Variants in SAMD5 observed in about 807,000 individuals in gnomAD.
SAMD5 encodes sterile alpha motif domain containing 5.
Under a neutral mutation model 11.3 loss-of-function variants are expected in SAMD5, and 13 were observed. The observed-to-expected ratio is 1.15, with a 90% CI of 0.75 to 1.83. SAMD5 has a LOEUF of 1.83. SAMD5 is among the 40% of genes most tolerant of loss of function. The probability of loss-of-function intolerance (pLI) is 0.00; values close to 1 mark genes in which losing one functional copy is unlikely to be tolerated. For synonymous variants in SAMD5, 129 were observed against 111.3 expected, an observed-to-expected ratio of 1.16 and a Z score of -1.00; for missense variants, 255 against 239.1, an observed-to-expected ratio of 1.07 and a Z score of -0.44.
intron 1 of SAMD5, among the ~76,000 whole-genome samples, chr6:147,592,806 G>A (rs1789475048): frequency 6.6e-6 from 1 of 152,148 alleles, no homozygotes; most frequent in African/African-American, 2.4e-5. Context: ...GATCCGACAT[G>A]GAGTAGGATT....
chr6:147,548,398 T>C (rs187688207), intron 1 of SAMD5, among the ~76,000 whole-genome samples: 1 of 152,356 alleles, frequency 6.6e-6, no homozygotes, highest in African/African-American at 2.4e-5. Flanking sequence ...AAATTGTCTA[T>C]GTTACATGTC....
At chr6:147,583,394 A>G (rs1358171905) in intron 1 of SAMD5, among the ~76,000 whole-genome samples, 1 of 152,242 alleles carries the variant, frequency 6.6e-6, no homozygotes, top group Non-Finnish European at 1.5e-5. Context: ...TGAGCTTACC[A>G]CATTCTAATT....
At chr6:147,659,318 T>C (rs1790614057) in intron 1 of SAMD5, among the ~76,000 whole-genome samples, 1 of 152,128 alleles carries the variant, frequency 6.6e-6, no homozygotes, top group African/African-American at 2.4e-5. Flanking sequence ...TTTTTTTTCA[T>C]GTCCCTGGTT....
chr6:147,811,636 A>G, the SAMD5 span, among the ~76,000 whole-genome samples: 4 of 152,312 alleles, frequency 2.6e-5, no homozygotes, highest in South Asian at 8.3e-4. Context: ...CGAGAGTGCC[A>G]GAGAAGAGGG....
At chr6:147,782,649 G>C in the SAMD5 span, among the ~76,000 whole-genome samples, 2 of 152,130 alleles carry the variant, frequency 1.3e-5, no homozygotes, top group Admixed American at 1.3e-4. Context: ...TTACTTATTT[G>C]CTTACTCAGG....
the SAMD5 span, among the ~76,000 whole-genome samples, chr6:147,900,248 C>T: frequency 3.9e-4 from 60 of 152,246 alleles, no homozygotes; most frequent in African/African-American, 1.3e-3. Context: ...AGCTGTGACA[C>T]GTCGCTTCCA....
intron 1 of SAMD5, among the ~76,000 whole-genome samples, chr6:147,589,598 T>C (rs571922736): frequency 1.3e-5 from 2 of 152,178 alleles, no homozygotes; most frequent in South Asian, 2.1e-4. Context: ...GTAGTAGCAC[T>C]TCTTAGAAAG....
the SAMD5 span, among the ~76,000 whole-genome samples, chr6:147,846,451 C>G: frequency 6.6e-6 from 1 of 152,166 alleles, no homozygotes; most frequent in Admixed American, 6.5e-5. Context: ...TAGATGTTAA[C>G]AATGGGGGAA....
chr6:147,692,882 C>G (rs1791123331), intron 1 of SAMD5, among the ~76,000 whole-genome samples: 1 of 152,154 alleles, frequency 6.6e-6, no homozygotes, highest in Non-Finnish European at 1.5e-5. Flanking sequence ...CAGAAATCAA[C>G]CCAGATTAAG....
At chr6:147,666,816 A>G (rs1047692689) in intron 1 of SAMD5, among the ~76,000 whole-genome samples, 5 of 152,156 alleles carry the variant, frequency 3.3e-5, no homozygotes, top group African/African-American at 1.2e-4. Context: ...TGGGACATTT[A>G]CTGGGATGCT....
At chr6:147,729,364 A>G (rs1791676351) in intron 1 of SAMD5, among the ~76,000 whole-genome samples, 2 of 152,210 alleles carry the variant, frequency 1.3e-5, no homozygotes, top group African/African-American at 4.8e-5. Context: ...ACTACTGTCT[A>G]AGACAAGATT....
At chr6:147,895,234 A>G in the SAMD5 span, among the ~76,000 whole-genome samples, 1 of 151,618 alleles carries the variant, frequency 6.6e-6, no homozygotes, top group Admixed American at 6.6e-5. Flanking sequence ...CTTAAGACCC[A>G]TGAACATTAC....
rs1335410898 is a variant in SAMD5, at chr6:147,711,750, ATGT to A, written c.163-25565_163-25563del. Among the ~76,000 whole-genome samples the A allele has an allele frequency of 1.3e-5, 2 of 152,186 alleles. No individual in the cohort carries two copies. Among genetic ancestry groups the A allele is most frequent in the African/African-American group, 4.8e-5 (2 of 41,444 alleles). On this transcript the variant is annotated intron_variant, in intron 1 of 1. Transcript: ENST00000566741. This position sits in a 1 kb window ranked among gnomAD's most constrained non-coding sequence, Gnocchi z 4.1. Reference sequence around the variant, plus strand: ...TTGTGGTATCCAGAAACCGGGAAATATGTTTGTGTTGTGAGTTCCTTACATCAT... The same window carrying A: ...TTGTGGTATCCAGAAACCGGGAAATATTGTGTTGTGAGTTCCTTACATCAT...
At chr6:147,910,365 A>C in the SAMD5 span, among the ~76,000 whole-genome samples, 4 of 152,112 alleles carry the variant, frequency 2.6e-5, no homozygotes, top group African/African-American at 9.7e-5. Flanking sequence ...TTGGCAAGAG[A>C]AGTGAGAAGG....
At chr6:147,733,697 T>A (rs922739302) in intron 1 of SAMD5, 1 of 423,420 alleles carries the variant, frequency 2.4e-6, no homozygotes, top group African/African-American at 2.1e-5. Flanking sequence ...AAATGTTATA[T>A]CTGAATCCCC....
chr6:147,782,657 A>G, the SAMD5 span, among the ~76,000 whole-genome samples: 3,526 of 152,358 alleles, frequency 0.023, 68 homozygotes, highest in Non-Finnish European at 0.038. Flanking sequence ...TTGCTTACTC[A>G]GGAAGGATTA....
chr6:147,770,981 CTT>C, the SAMD5 span, among the ~76,000 whole-genome samples: 1 of 152,210 alleles, frequency 6.6e-6, no homozygotes, highest in Non-Finnish European at 1.5e-5. Context: ...TCATCATATA[CTT>C]GTAGAAAGGG....
chr6:147,850,923 T>C, the SAMD5 span, among the ~76,000 whole-genome samples: 1 of 151,212 alleles, frequency 6.6e-6, no homozygotes, highest in African/African-American at 2.4e-5. Flanking sequence ...AGAGTAGTGA[T>C]GCTGACCTAT....
At chr6:147,947,833 A>G in the SAMD5 span, among the ~76,000 whole-genome samples, 1 of 151,724 alleles carries the variant, frequency 6.6e-6, no homozygotes, top group African/African-American at 2.4e-5. Context: ...TTCTGCCTTT[A>G]TTGGAATTTT....
Sources: allele counts gnomAD v4.1 joint callset (sites outside exome capture counted in the v4.1 genomes callset), GRCh38; gene constraint gnomAD v4.1.1; non-coding constraint Gnocchi (gnomAD v3.1); transcripts MANE v1.5; gene names NCBI Gene and HGNC (gene_info 2026-07-23, HGNC 2026-07-21).